TMTC2: variants seen among roughly 807,000 people sequenced by gnomAD.
The protein encoded by TMTC2 is protein O-mannosyl-transferase TMTC2.
A neutral mutation model predicts 82.4 loss-of-function variants in TMTC2; 43 were observed. The ratio of observed to expected loss-of-function variants is 0.52; its 90% CI spans 0.41 to 0.67. TMTC2 has a LOEUF of 0.67. Ranked by LOEUF, TMTC2 falls within the 30% of genes least tolerant of loss-of-function variation. The pLI, the probability that TMTC2 is intolerant of heterozygous loss-of-function variation, is 0.00. For synonymous variants in TMTC2, 408 were observed against 381.9 expected (o/e 1.07, Z -0.80); for missense variants, 919 against 1,012.4 (o/e 0.91, Z 1.25).
intron 4 of TMTC2, among the ~76,000 whole-genome samples, chr12:82,934,834 C>G (rs1184799510): frequency 6.6e-6 from 1 of 152,134 alleles, no homozygotes; most frequent in Non-Finnish European, 1.5e-5. Context: ...TTAGACTCCA[C>G]CAGCAGTGTA....
chr12:82,930,946 C>T (rs772221009), intron 4 of TMTC2, among the ~76,000 whole-genome samples: 6 of 152,092 alleles, frequency 3.9e-5, no homozygotes, highest in Non-Finnish European at 7.3e-5. Context: ...TCTCACTCTG[C>T]GGCCTAGGCT....
intron 1 of TMTC2, among the ~76,000 whole-genome samples, chr12:82,827,685 TTCTTTCTTTCTTTCTC>T (rs144901887): frequency 0.033 from 4,476 of 133,866 alleles, 227 homozygotes; most frequent in African/African-American, 0.11. Context: ...TTCTTTTATT[TTCTTTCTTTCTTTCTC>T]TCTTTCTTTC....
At chr12:83,097,625 G>A (rs957692541) in intron 11 of TMTC2, among the ~76,000 whole-genome samples, 1 of 152,124 alleles carries the variant, frequency 6.6e-6, no homozygotes, top group Admixed American at 6.5e-5. Flanking sequence ...TATTCTGAGG[G>A]TAGAGAGACA....
chr12:83,055,097 A>C (rs1057250949), intron 10 of TMTC2, among the ~76,000 whole-genome samples: 1 of 151,912 alleles, frequency 6.6e-6, no homozygotes, highest in Non-Finnish European at 1.5e-5. Flanking sequence ...CATCACCCAC[A>C]AGGAACCCAG....
intron 1 of TMTC2, among the ~76,000 whole-genome samples, chr12:82,794,726 C>T (rs1180444173): frequency 6.6e-6 from 1 of 151,870 alleles, no homozygotes; most frequent in Non-Finnish European, 1.5e-5. Context: ...AGTGTGAACC[C>T]GGAGAGACAT....
chr12:82,940,236 C>T (rs972865312), intron 4 of TMTC2, among the ~76,000 whole-genome samples: 7 of 151,632 alleles, frequency 4.6e-5, no homozygotes, highest in African/African-American at 1.5e-4. Flanking sequence ...AGGTTGGTCT[C>T]GAACTCCGGA....
At chr12:83,003,059 C>A (rs898931912) in intron 8 of TMTC2, among the ~76,000 whole-genome samples, 36 of 152,200 alleles carry the variant, frequency 2.4e-4, no homozygotes, top group African/African-American at 8.4e-4. Context: ...TAAGTCTTTT[C>A]ATCACTGCAG....
At chr12:82,806,858 A>G (rs1008723955) in intron 1 of TMTC2, among the ~76,000 whole-genome samples, 26 of 152,024 alleles carry the variant, frequency 1.7e-4, no homozygotes, top group African/African-American at 6.3e-4. Flanking sequence ...GAAAATCTGT[A>G]TAAGTGGATC....
intron 1 of TMTC2, among the ~76,000 whole-genome samples, chr12:82,793,107 G>T (rs1263901739): frequency 6.6e-6 from 1 of 152,110 alleles, no homozygotes; most frequent in African/African-American, 2.4e-5. Context: ...ATTACACGAT[G>T]ATAGTATGGC....
At chr12:82,999,843 CT>C (rs1476738304) in intron 8 of TMTC2, among the ~76,000 whole-genome samples, 1 of 152,160 alleles carries the variant, frequency 6.6e-6, no homozygotes, top group Non-Finnish European at 1.5e-5. Context: ...CATTCTGCCC[CT>C]GAACCCTCCC....
chr12:82,793,351 T>C (rs1878556818), intron 1 of TMTC2, among the ~76,000 whole-genome samples: 1 of 150,148 alleles, frequency 6.7e-6, no homozygotes, highest in African/African-American at 2.4e-5. Context: ...GCAAAATCAA[T>C]TGACCCAGTC....
intron 2 of TMTC2, among the ~76,000 whole-genome samples, chr12:82,865,186 G>T (rs963638615): frequency 6.6e-6 from 1 of 151,960 alleles, no homozygotes. Context: ...AGATCGCGTC[G>T]CTGCACTCCA....
At chr12:83,045,883 C>T (rs1418426184) in intron 9 of TMTC2, among the ~76,000 whole-genome samples, 1 of 152,064 alleles carries the variant, frequency 6.6e-6, no homozygotes, top group African/African-American at 2.4e-5. Context: ...AAGTGATGCT[C>T]AGCACCTTCC....
intron 1 of TMTC2, among the ~76,000 whole-genome samples, chr12:82,826,554 A>G (rs1179539868): frequency 1.3e-5 from 2 of 152,244 alleles, no homozygotes; most frequent in Non-Finnish European, 2.9e-5. Flanking sequence ...ATCTACTCAC[A>G]TAAAAGGACT....
At chr12:82,871,899 TAGACAA>T (rs1242050563) in intron 2 of TMTC2, among the ~76,000 whole-genome samples, 1 of 151,706 alleles carries the variant, frequency 6.6e-6, no homozygotes, top group Non-Finnish European at 1.5e-5. Flanking sequence ...GTGAAGAAAA[TAGACAA>T]ACACCTGCTC....
chr12:83,037,867 G>A (rs1274227147), intron 9 of TMTC2, among the ~76,000 whole-genome samples: 2 of 151,912 alleles, frequency 1.3e-5, no homozygotes, highest in Non-Finnish European at 1.5e-5. Context: ...ACAATAAACC[G>A]TTAAAGAATA....
chr12:82,885,140 TA>T (rs1873026038), intron 2 of TMTC2, among the ~76,000 whole-genome samples: 1 of 151,634 alleles, frequency 6.6e-6, no homozygotes, highest in Admixed American at 6.6e-5. Context: ...TGAACTCAAG[TA>T]ATCCTCCCAC....
At chr12:83,033,737 C>G (rs1427840847) in intron 9 of TMTC2, among the ~76,000 whole-genome samples, 3 of 149,198 alleles carry the variant, frequency 2.0e-5, no homozygotes, top group African/African-American at 7.4e-5. Flanking sequence ...GGTGAGAGAG[C>G]AAGACTCTTG....
intron 11 of TMTC2, among the ~76,000 whole-genome samples, chr12:83,113,908 T>C (rs942047738): frequency 1.3e-5 from 2 of 152,228 alleles, no homozygotes; most frequent in Non-Finnish European, 2.9e-5. Context: ...CCATTTGCTG[T>C]GTGCATGAAG....
Sources: gnomAD v4.1 joint callset for allele counts (sites outside exome capture counted in the v4.1 genomes callset) on GRCh38, gnomAD v4.1.1 for gene constraint, MANE v1.5 for transcripts, NCBI Gene and HGNC (gene_info 2026-07-23, HGNC 2026-07-21) for gene names.